The following TCF12 variants were observed in gnomAD, a reference collection of about 807,000 sequenced individuals.
The protein encoded by TCF12 is transcription factor 12.
In TCF12, 45 loss-of-function variants were observed where a neutral mutation model predicts 86.0. The ratio of observed to expected loss-of-function variants is 0.52; its 90% CI spans 0.41 to 0.67. The LOEUF is 0.67. TCF12 is among the 30% of genes least tolerant of loss of function. The pLI is 0.00. For missense variants in TCF12, 881 were observed against 859.9 expected, an observed-to-expected ratio of 1.02 and a Z score of -0.31; for synonymous variants, 330 against 299.6, an observed-to-expected ratio of 1.10 and a Z score of -1.05.
chr15:56,925,143 G>A (rs1267558210), intron 3 of TCF12, among the ~76,000 whole-genome samples: 1 of 152,040 alleles, frequency 6.6e-6, no homozygotes. Context: ...AGGTTGCAGT[G>A]ACCTGAGATG....
chr15:57,109,910 T>A (rs1489675794), intron 5 of TCF12, among the ~76,000 whole-genome samples: 1 of 152,190 alleles, frequency 6.6e-6, no homozygotes, highest in African/African-American at 2.4e-5. Context: ...AGGGAACAAA[T>A]TAAAGCGGTT....
chr15:57,168,419 C>A (rs1341185935), intron 6 of TCF12, among the ~76,000 whole-genome samples: 1 of 152,188 alleles, frequency 6.6e-6, no homozygotes, highest in Non-Finnish European at 1.5e-5. Context: ...GGTAACAGTG[C>A]TTTAAGGCCA....
chr15:57,081,437 G>C (rs568315053), intron 4 of TCF12, among the ~76,000 whole-genome samples: 1 of 152,306 alleles, frequency 6.6e-6, no homozygotes, highest in South Asian at 2.1e-4. Flanking sequence ...ATAGTAACTA[G>C]TTCATAGTGT....
chr15:57,050,614 A>C (rs187974914), intron 3 of TCF12, among the ~76,000 whole-genome samples: 2 of 152,108 alleles, frequency 1.3e-5, no homozygotes, highest in Admixed American at 1.3e-4. Context: ...AATTTTTGCC[A>C]GTTTTTTTCT....
intron 16 of TCF12, among the ~76,000 whole-genome samples, chr15:57,257,086 G>A (rs2060380518): frequency 6.6e-6 from 1 of 152,158 alleles, no homozygotes; most frequent in Admixed American, 6.5e-5. Context: ...AAACAGATGG[G>A]CACGGCTGTA....
At chr15:57,124,463 G>A (rs1173938946) in intron 5 of TCF12, among the ~76,000 whole-genome samples, 5 of 152,128 alleles carry the variant, frequency 3.3e-5, no homozygotes, top group African/African-American at 1.2e-4. Flanking sequence ...TGGCCAGCAT[G>A]ATGGGGGCCT....
intron 5 of TCF12, among the ~76,000 whole-genome samples, chr15:57,131,732 A>T (rs1340939138): frequency 1.3e-5 from 2 of 152,194 alleles, no homozygotes; most frequent in African/African-American, 4.8e-5. Flanking sequence ...ACAAAGGGAG[A>T]TTATAAATGA....
At chr15:57,078,615 A>G (rs2070348632) in intron 4 of TCF12, among the ~76,000 whole-genome samples, 1 of 150,456 alleles carries the variant, frequency 6.6e-6, no homozygotes, top group South Asian at 2.1e-4. Flanking sequence ...ACACTTCCAT[A>G]TGCATATTTT....
chr15:56,997,643 A>G (rs978870155), intron 3 of TCF12, among the ~76,000 whole-genome samples: 3 of 152,222 alleles, frequency 2.0e-5, no homozygotes, highest in East Asian at 3.8e-4. Flanking sequence ...AAAATATTCA[A>G]ATAACCCAAA....
intron 3 of TCF12, among the ~76,000 whole-genome samples, chr15:57,017,928 A>T (rs181743119): frequency 8.3e-4 from 127 of 152,290 alleles, no homozygotes; most frequent in African/African-American, 3.0e-3. Flanking sequence ...GGCAAGGGAC[A>T]CCAGATTATT....
intron 5 of TCF12, among the ~76,000 whole-genome samples, chr15:57,127,430 C>G (rs1307291331): frequency 1.3e-5 from 2 of 152,088 alleles, no homozygotes; most frequent in Non-Finnish European, 2.9e-5. Flanking sequence ...ATTCATAGTT[C>G]ACACAAGTAA....
intron 5 of TCF12, among the ~76,000 whole-genome samples, chr15:57,116,970 CATT>C (rs2050880494): frequency 6.6e-6 from 1 of 151,854 alleles, no homozygotes; most frequent in Non-Finnish European, 1.5e-5. Context: ...CAGATTTCAT[CATT>C]ATTTGGCATC....
At chr15:57,242,682 C>G (rs1412599190) in intron 12 of TCF12, among the ~76,000 whole-genome samples, 2 of 152,118 alleles carry the variant, frequency 1.3e-5, no homozygotes, top group African/African-American at 4.8e-5. Context: ...AAAGTGTTCA[C>G]TCTTGAATTA....
chr15:57,254,456 T>C lies in TCF12; in HGVS notation c.1467+988T>C, dbSNP rs1566993613. 2.6e-5 allele frequency among the ~76,000 whole-genome samples: 4 copies of C among 152,140 alleles called. 1 individual carries two copies. The South Asian group carries it at 6.2e-4, about 24-fold the overall frequency. ...GCATGGGTAACATTAGATACCTGTT[T>C]TGTGTTTGTTTTTTTAATGTCAGGA... is the stretch of plus-strand genomic sequence containing the variant. On this transcript the variant is annotated intron_variant, in intron 16 of 20. Transcript: ENST00000333725.
chr15:57,170,736 TA>T (rs1555526148), intron 6 of TCF12, among the ~76,000 whole-genome samples: 6 of 2,208 alleles, frequency 2.7e-3, no homozygotes, highest in South Asian at 0.031. Flanking sequence ...ATATTATATA[TA>T]ATATATATTA....
intron 4 of TCF12, among the ~76,000 whole-genome samples, chr15:57,066,717 C>G (rs756713695): frequency 1.3e-5 from 2 of 152,176 alleles, no homozygotes; most frequent in Non-Finnish European, 2.9e-5. Flanking sequence ...GCCTGCCATT[C>G]TATCCCTCTC....
intron 19 of TCF12, among the ~76,000 whole-genome samples, chr15:57,277,906 C>G (rs2152117831): frequency 6.6e-6 from 1 of 151,924 alleles, no homozygotes; most frequent in South Asian, 2.1e-4. Flanking sequence ...TAGCACCACA[C>G]TCCAGTCTGG....
chr15:57,197,424 C>T (rs1409899181), intron 7 of TCF12, among the ~76,000 whole-genome samples: 1 of 152,134 alleles, frequency 6.6e-6, no homozygotes, highest in Admixed American at 6.6e-5. Context: ...TCCCAAAGTG[C>T]TGGGATTACA....
At position 57,242,298 on chromosome 15, in the gene TCF12, C is replaced by T. The variant is rs1358134801; in HGVS notation, c.1036-1174C>T. ...TTTGTCTGCCCTGAGTGCTGAGATA[C>T]GAAAATGATTATTATGCATATTAAA... On this transcript the variant is annotated intron_variant, in intron 12 of 20. Coordinates refer to ENST00000333725, the MANE Select transcript of TCF12 (RefSeq NM_207037.2). Among the ~76,000 whole-genome samples, 3 of 152,036 alleles carry T rather than the reference C, an allele frequency of 2.0e-5. No individual in the cohort carries two copies. In the East Asian group the frequency reaches 5.8e-4, roughly 29 times the overall value.
Sources: gnomAD v4.1 joint callset for allele counts (sites outside exome capture counted in the v4.1 genomes callset) on GRCh38, gnomAD v4.1.1 for gene constraint, MANE v1.5 for transcripts, NCBI Gene and HGNC (gene_info 2026-07-23, HGNC 2026-07-21) for gene names.